Variants in MAGI2 observed in about 807,000 individuals in gnomAD.
MAGI2 encodes membrane-associated guanylate kinase, WW and PDZ domain-containing protein 2.
In MAGI2, 35 loss-of-function variants were observed where a neutral mutation model predicts 133.3. That is an observed-to-expected ratio of 0.26 (90% confidence interval 0.20 to 0.35). The LOEUF is 0.35. MAGI2 is among the 10% of genes least tolerant of loss of function. The pLI is 1.00. For missense variants in MAGI2, 1,636 were observed against 1,863.4 expected, an observed-to-expected ratio of 0.88 and a Z score of 2.25; for synonymous variants, 729 against 710.6, an observed-to-expected ratio of 1.03 and a Z score of -0.41.
chr7:78,929,482 A>T (rs1799950022), intron 2 of MAGI2, among the ~76,000 whole-genome samples: 1 of 152,056 alleles, frequency 6.6e-6, no homozygotes, highest in Non-Finnish European at 1.5e-5. Flanking sequence ...TCACCTGGTT[A>T]AAGTCAAACG....
At chr7:79,381,843 T>C (rs1220365300) in intron 1 of MAGI2, among the ~76,000 whole-genome samples, 1 of 151,836 alleles carries the variant, frequency 6.6e-6, no homozygotes. Context: ...AATATATCAT[T>C]GTATTATAAA....
intron 1 of MAGI2, among the ~76,000 whole-genome samples, chr7:79,380,029 A>T (rs1843671974): frequency 6.6e-6 from 1 of 151,752 alleles, no homozygotes; most frequent in South Asian, 2.1e-4. Flanking sequence ...TGTTAGACCT[A>T]AAACCATAAA....
intron 16 of MAGI2, 48 bp downstream of exon 16, chr7:78,159,977 A>T (rs759559106): frequency 1.6e-5 from 24 of 1,518,238 alleles, no homozygotes; most frequent in Middle Eastern, 3.6e-4. Flanking sequence ...ACTGGAACAA[A>T]TCAAAACAAG....
intron 2 of MAGI2, among the ~76,000 whole-genome samples, chr7:78,739,538 T>C (rs553674480): frequency 1.8e-4 from 27 of 152,290 alleles, no homozygotes; most frequent in African/African-American, 6.0e-4. Context: ...AAGTTGCCCA[T>C]GTAGGAAACA....
At chr7:78,294,739 C>T (rs553775339) in intron 9 of MAGI2, among the ~76,000 whole-genome samples, 2 of 152,206 alleles carry the variant, frequency 1.3e-5, no homozygotes, top group African/African-American at 4.8e-5. Context: ...GCTGTGTACT[C>T]GGTACTACGC....
chr7:79,028,239 A>ATATCTATATC (rs1257208855), intron 1 of MAGI2, among the ~76,000 whole-genome samples: 1 of 34,866 alleles, frequency 2.9e-5, no homozygotes, highest in African/African-American at 1.1e-4. Flanking sequence ...ATGTATGTAT[A>ATATCTATATC]TATATATATA....
intron 9 of MAGI2, among the ~76,000 whole-genome samples, chr7:78,332,630 A>G (rs1432017067): frequency 6.7e-6 from 1 of 149,756 alleles, no homozygotes; most frequent in Non-Finnish European, 1.5e-5. Flanking sequence ...CCCGGGAGGC[A>G]GAGCTTGCAG....
intron 10 of MAGI2, among the ~76,000 whole-genome samples, chr7:78,215,276 A>G (rs974002022): frequency 3.9e-5 from 6 of 152,186 alleles, no homozygotes; most frequent in Admixed American, 1.3e-4. Context: ...TTGTTCTCCT[A>G]TGGTGTTAAC....
chr7:78,726,842 T>G (rs1041967212), intron 2 of MAGI2, among the ~76,000 whole-genome samples: 3 of 152,118 alleles, frequency 2.0e-5, no homozygotes, highest in Admixed American at 6.5e-5. Context: ...AAGAATCACA[T>G]CTTTTTAGGC....
intron 1 of MAGI2, among the ~76,000 whole-genome samples, chr7:79,273,003 C>A (rs912812589): frequency 1.3e-5 from 2 of 152,038 alleles, no homozygotes; most frequent in African/African-American, 2.4e-5. Context: ...TATTAAAGTT[C>A]TTTTTCCAAA....
chr7:78,136,742 G>A (rs1470402560), intron 16 of MAGI2, among the ~76,000 whole-genome samples: 1 of 152,196 alleles, frequency 6.6e-6, no homozygotes, highest in African/African-American at 2.4e-5. Flanking sequence ...CCACCATTCA[G>A]TATGTTTCAG....
At chr7:78,309,634 T>C (rs1479347211) in intron 9 of MAGI2, among the ~76,000 whole-genome samples, 1 of 151,966 alleles carries the variant, frequency 6.6e-6, no homozygotes, top group East Asian at 1.9e-4. Context: ...AATATACCAA[T>C]GTAACAAACC....
chr7:78,025,799 G>A (rs1256461180), intron 21 of MAGI2, among the ~76,000 whole-genome samples: 2 of 152,184 alleles, frequency 1.3e-5, no homozygotes, highest in East Asian at 1.9e-4. Flanking sequence ...TTTCATCGGA[G>A]GCCCCTTAGG....
intron 2 of MAGI2, among the ~76,000 whole-genome samples, chr7:78,648,186 T>G (rs1229665647): frequency 6.6e-6 from 1 of 152,060 alleles, no homozygotes; most frequent in Non-Finnish European, 1.5e-5. Flanking sequence ...TAATGCAAGC[T>G]CAATGCAGAA....
At chr7:79,139,327 C>T (rs1395769444) in intron 1 of MAGI2, among the ~76,000 whole-genome samples, 1 of 152,160 alleles carries the variant, frequency 6.6e-6, no homozygotes, top group Non-Finnish European at 1.5e-5. Context: ...CATTAAGTAC[C>T]ACCTACCATG....
intron 2 of MAGI2, among the ~76,000 whole-genome samples, chr7:78,873,563 C>T (rs1450030974): frequency 6.6e-6 from 1 of 152,062 alleles, no homozygotes; most frequent in Admixed American, 6.6e-5. Flanking sequence ...TGCAGGAAAA[C>T]AAGCTCAGGA....
chr7:79,230,566 G>A (rs1831276534), intron 1 of MAGI2, among the ~76,000 whole-genome samples: 1 of 151,416 alleles, frequency 6.6e-6, no homozygotes, highest in East Asian at 1.9e-4. Flanking sequence ...TTTTTCATGT[G>A]TTTTTTGGCT....
intron 4 of MAGI2, among the ~76,000 whole-genome samples, chr7:78,511,340 T>C (rs970755107): frequency 1.3e-4 from 19 of 151,918 alleles, no homozygotes; most frequent in African/African-American, 4.1e-4. Context: ...CACATTTCAG[T>C]GTCTTCAGAA....
At chr7:78,347,873 T>C (rs1791079440) in intron 7 of MAGI2, among the ~76,000 whole-genome samples, 1 of 152,216 alleles carries the variant, frequency 6.6e-6, no homozygotes, top group Non-Finnish European at 1.5e-5. Context: ...GCATCATGAC[T>C]GTGGTGCACA....
Sources: gnomAD v4.1 joint callset for allele counts (sites outside exome capture counted in the v4.1 genomes callset) on GRCh38, gnomAD v4.1.1 for gene constraint, MANE v1.5 for transcripts, NCBI Gene and HGNC (gene_info 2026-07-23, HGNC 2026-07-21) for gene names.